The following BLTP1 variants were observed in gnomAD, a reference collection of about 807,000 sequenced individuals.
The protein encoded by BLTP1 is fragile site-associated protein.
the BLTP1 span, among the ~76,000 whole-genome samples, chr4:122,159,588 G>T: frequency 6.6e-6 from 1 of 151,982 alleles, no homozygotes; most frequent in Non-Finnish European, 1.5e-5. Context: ...TTTTCTTTAA[G>T]AATATTAATA....
At chr4:122,353,392 G>A in the BLTP1 span, 1 of 272,388 alleles carries the variant, frequency 3.7e-6, no homozygotes, top group African/African-American at 2.3e-5. This position sits in a 1 kb window ranked among gnomAD's most constrained non-coding sequence, Gnocchi z 4.3. Context: ...CTAAACATAA[G>A]TCATGGTAAT....
chr4:122,325,000 A>G, the BLTP1 span, among the ~76,000 whole-genome samples: 1 of 152,008 alleles, frequency 6.6e-6, no homozygotes, highest in Non-Finnish European at 1.5e-5. Context: ...TCAGCACTAT[A>G]ACGTAAGAAG....
At chr4:122,356,609 A>G in the BLTP1 span, 1 of 1,608,440 alleles carries the variant, frequency 6.2e-7, no homozygotes, top group Non-Finnish European at 8.5e-7. Context: ...ATCTTTTACC[A>G]TATTATTGCA....
chr4:122,170,863 G>C, the BLTP1 span: 3 of 593,034 alleles, frequency 5.1e-6, no homozygotes, highest in Non-Finnish European at 8.5e-6. Context: ...TTTATTTTTA[G>C]GAAGGAAGAT....
At chr4:122,226,423 A>T in the BLTP1 span, 1 of 1,167,096 alleles carries the variant, frequency 8.6e-7, no homozygotes, top group Non-Finnish European at 1.1e-6. Flanking sequence ...AACCTTGAAT[A>T]AAAGGATTTG....
chr4:122,248,091 G>C, the BLTP1 span: 2 of 984,978 alleles, frequency 2.0e-6, no homozygotes, highest in African/African-American at 3.5e-5. Flanking sequence ...TGCATTCTGG[G>C]TCTGTGTACC....
chr4:122,198,984 C>A, the BLTP1 span, among the ~76,000 whole-genome samples: 1 of 152,064 alleles, frequency 6.6e-6, no homozygotes, highest in East Asian at 1.9e-4. Context: ...ATAGCTGTTA[C>A]TTAGTAACCA....
chr4:122,305,251 G>C, the BLTP1 span: 1 of 978,088 alleles, frequency 1.0e-6, no homozygotes, highest in Admixed American at 6.2e-5. Context: ...TTTTTATTTT[G>C]CTAAACATTT....
chr4:122,170,077 C>A, the BLTP1 span: 4 of 743,836 alleles, frequency 5.4e-6, no homozygotes, highest in Non-Finnish European at 6.6e-6. Flanking sequence ...GAGGTCGAGG[C>A]AGGCGGATCA....
At chr4:122,343,659 A>G in the BLTP1 span, 2 of 1,575,500 alleles carry the variant, frequency 1.3e-6, no homozygotes, top group Admixed American at 1.7e-5. Flanking sequence ...CATCTTTTCA[A>G]GCTTTCAAGC....
the BLTP1 span, among the ~76,000 whole-genome samples, chr4:122,162,140 T>G: frequency 6.6e-6 from 1 of 152,338 alleles, no homozygotes; most frequent in South Asian, 2.1e-4. Flanking sequence ...CTGAGCTGTA[T>G]GGTAGAATTT....
At chr4:122,294,390 C>T in the BLTP1 span, among the ~76,000 whole-genome samples, 2 of 152,146 alleles carry the variant, frequency 1.3e-5, no homozygotes, top group Non-Finnish European at 2.9e-5. Flanking sequence ...GCAGAGGCCC[C>T]AGAGGAAGGG....
the BLTP1 span, among the ~76,000 whole-genome samples, chr4:122,216,218 G>A: frequency 3.8e-3 from 583 of 152,052 alleles, 4 homozygotes; most frequent in African/African-American, 0.013. Context: ...TGTGGACTGC[G>A]CTTCTATGAA....
At chr4:122,275,046 A>C in the BLTP1 span, among the ~76,000 whole-genome samples, 1 of 152,098 alleles carries the variant, frequency 6.6e-6, no homozygotes, top group Non-Finnish European at 1.5e-5. Context: ...TGGACCTATA[A>C]GTGTAGAACT....
At chr4:122,161,692 TG>T in the BLTP1 span, among the ~76,000 whole-genome samples, 1 of 152,172 alleles carries the variant, frequency 6.6e-6, no homozygotes, top group Non-Finnish European at 1.5e-5. Flanking sequence ...CCCAAAGTGC[TG>T]GGATTACAGG....
chr4:122,342,841 G>T, the BLTP1 span, among the ~76,000 whole-genome samples: 1 of 152,164 alleles, frequency 6.6e-6, no homozygotes, highest in Non-Finnish European at 1.5e-5. Flanking sequence ...ATACATTTTG[G>T]AATCACCAGC....
the BLTP1 span, among the ~76,000 whole-genome samples, chr4:122,330,416 T>G: frequency 6.6e-6 from 1 of 151,792 alleles, no homozygotes; most frequent in Non-Finnish European, 1.5e-5. Flanking sequence ...TAAATAATAG[T>G]CATGTTACCA....
chr4:122,257,517 G>C, the BLTP1 span: 14 of 1,611,394 alleles, frequency 8.7e-6, no homozygotes, highest in Non-Finnish European at 1.0e-5. Context: ...AGCCTCTATT[G>C]AGTACTTTCT....
the BLTP1 span, chr4:122,224,828 A>G: frequency 6.5e-7 from 1 of 1,542,672 alleles, no homozygotes; most frequent in Non-Finnish European, 8.7e-7. Context: ...TCAGAATTTT[A>G]GTTATAGGTG....
Sources: gnomAD v4.1 joint callset for allele counts (sites outside exome capture counted in the v4.1 genomes callset) on GRCh38, gnomAD v4.1.1 for gene constraint, Gnocchi (gnomAD v3.1) non-coding constraint, MANE v1.5 for transcripts, NCBI Gene and HGNC (gene_info 2026-07-23, HGNC 2026-07-21) for gene names.